The following NSUN2 variants were observed in gnomAD, a reference collection of about 807,000 sequenced individuals.
NSUN2 encodes RNA cytosine C(5)-methyltransferase NSUN2.
In NSUN2, 63 loss-of-function variants were observed where a neutral mutation model predicts 92.7. The ratio of observed to expected loss-of-function variants is 0.68; its 90% CI spans 0.56 to 0.84. NSUN2 has a LOEUF of 0.84. NSUN2 is among the 40% of genes least tolerant of loss of function. NSUN2 has a pLI of 0.00. For missense variants in NSUN2, 989 were observed against 964.9 expected, an observed-to-expected ratio of 1.02 and a Z score of -0.33; for synonymous variants, 356 against 348.3, an observed-to-expected ratio of 1.02 and a Z score of -0.25.
At chr5:6,604,098 G>A (rs1579353963) in intron 17 of NSUN2, 40 bp downstream of exon 17, 2 of 1,581,334 alleles carry the variant, frequency 1.3e-6, no homozygotes, top group Admixed American at 1.8e-5. Flanking sequence ...CCTTATAAAG[G>A]GAATACAAGT....
At chr5:6,625,718 G>A (rs369982804) in intron 3 of NSUN2, 49 bp from the exon 4 acceptor site, 462 of 1,360,720 alleles carry the variant, frequency 3.4e-4, no homozygotes, top group Non-Finnish European at 4.5e-4. Flanking sequence ...TACTAAAGTC[G>A]TCTGTTGACA....
intron 9 of NSUN2, among the ~76,000 whole-genome samples, chr5:6,615,269 T>A (rs1197356180): frequency 6.6e-6 from 1 of 152,268 alleles, no homozygotes; most frequent in Non-Finnish European, 1.5e-5. Context: ...TTCTCAGGGA[T>A]CTGAAAGCAG....
intron 6 of NSUN2, chr5:6,620,881 CA>C (rs1159678170): frequency 1.3e-5 from 2 of 152,210 alleles, no homozygotes; most frequent in Non-Finnish European, 2.9e-5. Context: ...GTATGAAATG[CA>C]AAACATCCAC....
intron 13 of NSUN2, 140 bp downstream of exon 13, chr5:6,607,060 G>T: frequency 1.0e-6 from 1 of 996,064 alleles, no homozygotes; most frequent in Non-Finnish European, 1.6e-6. Context: ...ACAGAGTCCA[G>T]CCCTCACACT....
chr5:6,625,815 G>C, intron 3 of NSUN2, 146 bp from the exon 4 acceptor site: 1 of 638,854 alleles, frequency 1.6e-6, no homozygotes, highest in Non-Finnish European at 2.8e-6. Context: ...CGGACAGTCA[G>C]CAACACTCAG....
At chr5:6,604,706 T>C (rs368629932) in intron 15 of NSUN2, 21 bp from the exon 16 acceptor site, 1 of 1,592,788 alleles carries the variant, frequency 6.3e-7, no homozygotes, top group Non-Finnish European at 8.6e-7. Context: ...AAAAATAAGA[T>C]GAAACACAGA....
At chr5:6,614,124 C>CCTCCCACCT (rs543325766) in intron 9 of NSUN2, among the ~76,000 whole-genome samples, 45,623 of 73,124 alleles carry the variant, frequency 0.62, 17,169 homozygotes, top group Middle Eastern at 0.71. Context: ...AAAAAAAAAC[C>CCTCCCACCT]CACAACACAC....
chr5:6,621,010 T>G (rs1351994245), intron 6 of NSUN2: 1 of 152,158 alleles, frequency 6.6e-6, no homozygotes, highest in African/African-American at 2.4e-5. Flanking sequence ...GCATTATCTT[T>G]AAACAATGTA....
At chr5:6,600,523 T>C (rs1267143290) in intron 18 of NSUN2, among the ~76,000 whole-genome samples, 1 of 152,162 alleles carries the variant, frequency 6.6e-6, no homozygotes, top group Admixed American at 6.5e-5. Context: ...TTCTACATAC[T>C]TCCTTCTCAA....
At chr5:6,618,061 C>A in intron 7 of NSUN2, 37 bp from the exon 8 acceptor site, 1 of 1,457,094 alleles carries the variant, frequency 6.9e-7, no homozygotes, top group South Asian at 1.1e-5. Context: ...AAGCTCCCTA[C>A]AGGTGGATGA....
At chr5:6,615,456 T>C (rs969310049) in intron 9 of NSUN2, among the ~76,000 whole-genome samples, 1 of 152,186 alleles carries the variant, frequency 6.6e-6, no homozygotes, top group Non-Finnish European at 1.5e-5. Flanking sequence ...ATGTGCCCCA[T>C]ACTCCCCCTC....
chr5:6,628,643 A>G (rs1441177505), intron 3 of NSUN2, among the ~76,000 whole-genome samples: 2 of 152,274 alleles, frequency 1.3e-5, no homozygotes, highest in African/African-American at 4.8e-5. Flanking sequence ...GAAAATTACC[A>G]GAAGTCCTGG....
intron 16 of NSUN2, 132 bp from the exon 17 acceptor site, chr5:6,604,408 G>A: frequency 1.1e-6 from 1 of 949,952 alleles, no homozygotes; most frequent in Non-Finnish European, 1.5e-6. Flanking sequence ...CCCTTGGACA[G>A]GTGTGGAACC....
rs769538680 is a variant in NSUN2 at position 6,622,004 on chromosome 5, T to C, written c.622+12A>G. 6.2e-6 allele frequency: 10 copies of C among 1,608,954 alleles called. No individual in the cohort carries two copies. Among genetic ancestry groups the C allele is most frequent in the South Asian group, 5.5e-5 (5 of 90,950 alleles). ...GCATTCCTACCATTTTGAACACAAG[T>C]CCAATGCATACCTGGAAAGGGGACA... On this transcript the variant is annotated intron_variant, in intron 6 of 18. Transcript: ENST00000264670.
At position 6,616,853 on chromosome 5, in the gene NSUN2, G is replaced by C; in HGVS notation, c.895C>G (p.Gln299Glu). The change falls in exon 9 of 19, where the codon CAG becomes GAG. Residue 299 changes from glutamine (Q) to glutamate (E), a missense_variant. Gln to Glu is a conservative substitution (Grantham distance 29). This residue lies in a region of NSUN2 where 626 missense variants were observed against 602.3 expected (regional missense o/e 1.04). Coordinates refer to ENST00000264670, the MANE Select transcript of NSUN2 (RefSeq NM_017755.6). ...TLNSLQLHGLQLRIATRGAEQ... is the reference protein window; with the variant it reads ...TLNSLQLHGLELRIATRGAEQ... ...GCCCCGCGTGTTGCAATCCGCAGCTGTAAGCTAAGGGGAGATATCAGATGA... is the reference window on the plus strand; with the variant it reads ...GCCCCGCGTGTTGCAATCCGCAGCTCTAAGCTAAGGGGAGATATCAGATGA... 1.2e-6 allele frequency: 2 copies of C among 1,612,692 alleles called. No individual in the cohort carries two copies. The highest frequency in any genetic ancestry group is 1.7e-6 in the Non-Finnish European group (2 of 1,179,244).
intron 12 of NSUN2, among the ~76,000 whole-genome samples, chr5:6,608,584 G>A (rs1028947247): frequency 2.6e-5 from 4 of 152,346 alleles, no homozygotes; most frequent in Admixed American, 1.3e-4. Flanking sequence ...ATGACAATAA[G>A]TTGTTCTAAA....
At chr5:6,605,501 C>T in intron 14 of NSUN2, 93 bp from the exon 15 acceptor site, 6 of 1,377,072 alleles carry the variant, frequency 4.4e-6, no homozygotes, top group Middle Eastern at 2.1e-4. Context: ...AGAATTCAAT[C>T]CCCAAAACTG....
Position 6,631,992 on chromosome 5 carries a change from G to C in NSUN2, c.255-15C>G. On this transcript the variant is annotated splice_polypyrimidine_tract_variant and intron_variant, in intron 2 of 18. Coordinates refer to ENST00000264670, the MANE Select transcript of NSUN2 (RefSeq NM_017755.6). ...CTTTTGCGTGGCTATTGAAAAATAA[G>C]GAAGTTTCAAACTGATCTAAAAAAC... is the stretch of plus-strand genomic sequence containing the variant. The C allele has an allele frequency of 6.3e-7, 1 of 1,584,094 alleles. No homozygotes were observed. Among genetic ancestry groups the C allele is most frequent in the South Asian group, 1.1e-5 (1 of 89,374 alleles).
chr5:6,608,110 A>G (rs1215457764), intron 12 of NSUN2, among the ~76,000 whole-genome samples: 1 of 152,258 alleles, frequency 6.6e-6, no homozygotes, highest in Non-Finnish European at 1.5e-5. Context: ...CCACAAAGCT[A>G]CTGAGCAGAG....
Sources: gnomAD v4.1 joint callset for allele counts (sites outside exome capture counted in the v4.1 genomes callset) on GRCh38, gnomAD v4.1.1 for gene constraint, gnomAD v4.1.1 regional missense constraint, MANE v1.5 for transcripts, NCBI Gene and HGNC (gene_info 2026-07-23, HGNC 2026-07-21) for gene names.